The following TECRL variants were observed in gnomAD, a reference collection of about 807,000 sequenced individuals.
TECRL encodes trans-2,3-enoyl-CoA reductase-like.
Under a neutral mutation model 52.8 loss-of-function variants are expected in TECRL, and 63 were observed. The observed-to-expected ratio is 1.19, with a 90% CI of 0.97 to 1.47. TECRL has a LOEUF of 1.47. Among genes scored for constraint, TECRL ranks in the 40% most tolerant of loss-of-function variants. TECRL has a pLI of 0.00. For missense variants in TECRL, 482 were observed against 429.6 expected (o/e 1.12, Z -1.08); for synonymous variants, 164 against 141.9 (o/e 1.16, Z -1.10).
At chr4:64,300,332 T>A (rs1447193111) in intron 7 of TECRL, among the ~76,000 whole-genome samples, 1 of 150,818 alleles carries the variant, frequency 6.6e-6, no homozygotes, top group Admixed American at 6.6e-5. Flanking sequence ...GCCAAGCATA[T>A]AATGGCACCA....
intron 1 of TECRL, among the ~76,000 whole-genome samples, chr4:64,394,773 G>A (rs73232028): frequency 0.018 from 2,687 of 152,046 alleles, 79 homozygotes; most frequent in African/African-American, 0.056. Context: ...ACTTTACTAC[G>A]TATACAGATA....
At chr4:64,283,202 C>A (rs1722916188) in intron 9 of TECRL, among the ~76,000 whole-genome samples, 1 of 152,028 alleles carries the variant, frequency 6.6e-6, no homozygotes, top group Non-Finnish European at 1.5e-5. Flanking sequence ...CTTGTTGAGA[C>A]TATATCGCTC....
At chr4:64,344,359 T>C (rs1452497105) in intron 2 of TECRL, among the ~76,000 whole-genome samples, 2 of 152,088 alleles carry the variant, frequency 1.3e-5, no homozygotes, top group Admixed American at 6.5e-5. Context: ...TGATATTTGA[T>C]GTTATATTTT....
chr4:64,292,947 T>G (rs1723473214), intron 8 of TECRL, among the ~76,000 whole-genome samples: 1 of 152,072 alleles, frequency 6.6e-6, no homozygotes, highest in Non-Finnish European at 1.5e-5. Flanking sequence ...TAAAAAAAAT[T>G]TAAATGAACC....
At chr4:64,354,989 G>C (rs1210589820) in intron 2 of TECRL, among the ~76,000 whole-genome samples, 3 of 152,176 alleles carry the variant, frequency 2.0e-5, no homozygotes, top group Non-Finnish European at 2.9e-5. Flanking sequence ...AGTAAGTAAA[G>C]TAGAGTGGAA....
At chr4:64,399,391 A>C (rs1724185030) in intron 1 of TECRL, among the ~76,000 whole-genome samples, 1 of 152,240 alleles carries the variant, frequency 6.6e-6, no homozygotes, top group East Asian at 1.9e-4. Context: ...GGCATAGAAA[A>C]AAAAAGAGTT....
intron 4 of TECRL, among the ~76,000 whole-genome samples, chr4:64,322,453 TAAAAA>T (rs77102922): frequency 3.5e-5 from 4 of 114,620 alleles, no homozygotes; most frequent in African/African-American, 9.7e-5. Flanking sequence ...GGGTTGACTT[TAAAAA>T]AAAAAAAAAA....
chr4:64,280,571 T>C lies in TECRL; in HGVS notation c.965-372A>G, dbSNP rs558028665. On this transcript the variant is annotated intron_variant, in intron 11 of 11. Transcript: ENST00000381210. ...CATTAATTGTGATTCAAAACTTTTGTACAATATAACAAAATGGATAAAATG... is the reference window on the plus strand; with the variant it reads ...CATTAATTGTGATTCAAAACTTTTGCACAATATAACAAAATGGATAAAATG... 3.9e-5 allele frequency among the ~76,000 whole-genome samples: 6 copies of C among 152,278 alleles called. No individual in the cohort carries two copies. The South Asian group carries it at 6.2e-4, about 16-fold the overall frequency.
intron 2 of TECRL, among the ~76,000 whole-genome samples, chr4:64,343,571 T>TGCACACACACACAGAC (rs1719733141): frequency 6.6e-6 from 1 of 151,432 alleles, no homozygotes; most frequent in South Asian, 2.1e-4. Context: ...AAGATAAACA[T>TGCACACACACACAGAC]GCACACACAC....
At chr4:64,398,136 A>G (rs1197275341) in intron 1 of TECRL, among the ~76,000 whole-genome samples, 1 of 152,170 alleles carries the variant, frequency 6.6e-6, no homozygotes, top group Non-Finnish European at 1.5e-5. Flanking sequence ...TGTTATTATT[A>G]AATTTGTAAA....
At chr4:64,402,719 A>G (rs551577091) in intron 1 of TECRL, among the ~76,000 whole-genome samples, 81 of 152,254 alleles carry the variant, frequency 5.3e-4, no homozygotes, top group African/African-American at 1.9e-3. Flanking sequence ...GTAATAGAGA[A>G]GAGCTAGAAA....
intron 2 of TECRL, among the ~76,000 whole-genome samples, chr4:64,363,203 T>A (rs1284134031): frequency 2.0e-5 from 3 of 152,122 alleles, no homozygotes; most frequent in African/African-American, 7.2e-5. Flanking sequence ...TTCTTAGAGG[T>A]TTATGAAGAG....
At chr4:64,286,671 CA>C (rs945301534) in intron 9 of TECRL, among the ~76,000 whole-genome samples, 2 of 151,864 alleles carry the variant, frequency 1.3e-5, no homozygotes, top group South Asian at 2.1e-4. Flanking sequence ...CACATCGAAG[CA>C]AAAAAACCAT....
chr4:64,324,779 TAC>T (rs1176033847), intron 3 of TECRL, among the ~76,000 whole-genome samples: 2 of 152,074 alleles, frequency 1.3e-5, no homozygotes, highest in Non-Finnish European at 2.9e-5. Flanking sequence ...TACATATATA[TAC>T]ATATATAATT....
rs1369653925 is a variant in TECRL, at chr4:64,350,908, TTAAC to T, written c.287-22356_287-22353del. Among the ~76,000 whole-genome samples, 5 of 151,278 alleles carry T rather than the reference TTAAC, an allele frequency of 3.3e-5. No individual in the cohort carries two copies. In the Admixed American group the frequency reaches 3.3e-4, roughly 10 times the overall value. The stretch of plus-strand genomic sequence containing the variant: ...AAAAGTTTTATAGAAATCAGTGATT[TTAAC>T]TAATCAGTTTCAATAGTTAACCTTT... On this transcript the variant is annotated intron_variant, in intron 2 of 11. Coordinates refer to ENST00000381210, the MANE Select transcript of TECRL (RefSeq NM_001010874.5).
At chr4:64,345,867 T>C (rs1719917613) in intron 2 of TECRL, among the ~76,000 whole-genome samples, 1 of 109,764 alleles carries the variant, frequency 9.1e-6, no homozygotes, top group Non-Finnish European at 1.7e-5. Flanking sequence ...CTTCTTCCAC[T>C]GTAATAAGAC....
At chr4:64,286,222 G>T (rs971073461) in intron 9 of TECRL, among the ~76,000 whole-genome samples, 2 of 151,490 alleles carry the variant, frequency 1.3e-5, no homozygotes, top group Middle Eastern at 3.2e-3. Flanking sequence ...ACTGAAAATA[G>T]ATATGGAAAA....
intron 2 of TECRL, among the ~76,000 whole-genome samples, chr4:64,344,190 A>G (rs141116968): frequency 1.9e-4 from 29 of 152,010 alleles, no homozygotes; most frequent in African/African-American, 7.0e-4. Context: ...TACATATATT[A>G]TAGCTCCATA....
At chr4:64,303,092 A>G (rs1170250670) in intron 7 of TECRL, among the ~76,000 whole-genome samples, 7 of 151,506 alleles carry the variant, frequency 4.6e-5, no homozygotes, top group African/African-American at 1.7e-4. Flanking sequence ...GATGCAATAT[A>G]TAAGCAATTT....
Sources: allele counts gnomAD v4.1 joint callset (sites outside exome capture counted in the v4.1 genomes callset), GRCh38; gene constraint gnomAD v4.1.1; transcripts MANE v1.5; gene names NCBI Gene and HGNC (gene_info 2026-07-23, HGNC 2026-07-21).